The following POLD1 variants were observed in gnomAD, a reference collection of about 807,000 sequenced individuals.
The protein encoded by POLD1 is DNA polymerase delta 1, catalytic subunit.
POLD1 carries 79 observed loss-of-function variants against 129.7 expected under a neutral mutation model. That is an observed-to-expected ratio of 0.61 (90% CI 0.51 to 0.73). The LOEUF is 0.73. Among genes scored for constraint, POLD1 ranks in the 30% least tolerant of loss-of-function variants. POLD1 has a pLI of 0.00. For synonymous variants in POLD1, 714 were observed against 683.3 expected (o/e 1.04, Z -0.70); for missense variants, 1,338 against 1,595.8 (o/e 0.84, Z 2.75).
At chr19:50,408,290 G>A (rs2038971289) in intron 14 of POLD1, among the ~76,000 whole-genome samples, 1 of 152,038 alleles carries the variant, frequency 6.6e-6, no homozygotes, top group Admixed American at 6.5e-5. Flanking sequence ...AGCTGAGATT[G>A]CGCCACTGCA....
At chr19:50,392,635 G>A (rs191103823) in intron 1 of POLD1, among the ~76,000 whole-genome samples, 5 of 149,912 alleles carry the variant, frequency 3.3e-5, no homozygotes, top group Non-Finnish European at 5.9e-5. Flanking sequence ...CCACCACCAC[G>A]CCTGGCTAAT....
intron 26 of POLD1, among the ~76,000 whole-genome samples, 197 bp from the exon 27 acceptor site, chr19:50,417,645 C>T (rs979452253): frequency 7.2e-5 from 11 of 151,830 alleles, no homozygotes; most frequent in Non-Finnish European, 1.5e-4. Context: ...GGCCCTGCAC[C>T]TCGCCAGGCA....
At chr19:50,389,888 T>G (rs537496906) in intron 1 of POLD1, among the ~76,000 whole-genome samples, 16 of 125,070 alleles carry the variant, frequency 1.3e-4, no homozygotes, top group East Asian at 1.0e-3. Flanking sequence ...GTCCAGCCTG[T>G]TTTTTTTTTT....
intron 17 of POLD1, chr19:50,411,049 C>CG (rs1041390928): frequency 1.3e-5 from 2 of 150,888 alleles, no homozygotes; most frequent in South Asian, 4.2e-4. Flanking sequence ...CCTCAACCTC[C>CG]GGGACTCAGG....
At chr19:50,384,854 A>C (rs1489086441) in intron 1 of POLD1, among the ~76,000 whole-genome samples, 1 of 152,188 alleles carries the variant, frequency 6.6e-6, no homozygotes, top group Non-Finnish European at 1.5e-5. Context: ...TCAGAAGGAA[A>C]CTAACGCAGG....
rs869312619 is a variant in POLD1, at chr19:50,408,717, C to T, written c.1776-68C>T. ...TTTTTTTTTTTAAAGGGTGAGGCCA[C>T]AAGACAGGGCGGGGGCGGCATGGGA... On this transcript the variant is annotated intron_variant, in intron 14 of 26. Transcript: ENST00000440232. 9 of 1,585,948 alleles carry T rather than the reference C, an allele frequency of 5.7e-6. No individual in the cohort carries two copies. Among genetic ancestry groups the T allele is most frequent in the South Asian group, 2.3e-5 (2 of 87,416 alleles).
intron 19 of POLD1, 92 bp downstream of exon 19, chr19:50,413,971 G>A (rs1378662121): frequency 3.8e-6 from 5 of 1,332,500 alleles, no homozygotes; most frequent in Admixed American, 2.5e-5. Context: ...GCCACAGTGT[G>A]AAGGGATGTT....
intron 1 of POLD1, among the ~76,000 whole-genome samples, chr19:50,393,353 A>T (rs1172441659): frequency 6.6e-6 from 1 of 152,122 alleles, no homozygotes; most frequent in Non-Finnish European, 1.5e-5. Flanking sequence ...TACAATTTTT[A>T]TGGAGGTAAA....
chr19:50,415,867 G>C (rs376873005), intron 22 of POLD1, 41 bp downstream of exon 22: 14 of 1,342,038 alleles, frequency 1.0e-5, no homozygotes, highest in Non-Finnish European at 1.3e-5. Context: ...CAGCCCCCTC[G>C]CTCTCACTTC....
chr19:50,413,636 T>A, intron 18 of POLD1, 106 bp from the exon 19 acceptor site: 1 of 1,535,292 alleles, frequency 6.5e-7, no homozygotes, highest in Non-Finnish European at 8.9e-7. Flanking sequence ...CACTCTCCTG[T>A]TGCATCCTTG....
At position 50,413,690 on chromosome 19, in the gene POLD1, G is replaced by A; in HGVS notation, c.2251-52G>A. The A allele has an allele frequency of 3.2e-6, 5 of 1,563,474 alleles. No individual in the cohort carries two copies. In the Admixed American group the frequency reaches 8.9e-5, roughly 28 times the overall value. On this transcript the variant is annotated intron_variant, in intron 18 of 26. Coordinates refer to ENST00000440232, the MANE Select transcript of POLD1 (RefSeq NM_002691.4). ...CACCTGCCACCCCCCGACACCAGTA[G>A]TTGACAGAAGGGACCCTGCTTCTCA...
At position 50,402,510 on chromosome 19, in the gene POLD1, A is replaced by G. The variant is rs2038690465; in HGVS notation, c.815A>G (p.Lys272Arg). The G allele has an allele frequency of 6.2e-7, 1 of 1,608,844 alleles. No homozygotes were observed. The highest frequency in any genetic ancestry group is 8.5e-7 in the Non-Finnish European group (1 of 1,177,950). ...GCNWLELPAG[K>R]YALRLKEKAT... The stretch of plus-strand genomic sequence containing the variant: ...AACTGGCTGGAGCTCCCAGCTGGGA[A>G]ATACGCCCTGAGGCTGAAGGAGAAG... The change falls in exon 7 of 27, where the codon AAA becomes AGA. Residue 272 changes from lysine (K) to arginine (R), a missense_variant. This residue lies in a region of POLD1 where 720 missense variants were observed against 1,002.6 expected (regional missense o/e 0.72). Coordinates refer to ENST00000440232, the MANE Select transcript of POLD1 (RefSeq NM_002691.4).
In POLD1 at chr19:50,408,817, TCTC is replaced by T. The variant is rs398122386; in HGVS notation, c.1812_1814del (p.Ser605del). On this transcript the variant is annotated inframe_deletion, in exon 15 of 27. Transcript: ENST00000440232. ...GACGTCCCCATCGCCACCCTGGACTTCTCCTCGCTGTACCCGTCCATCATGATG... is the reference window on the plus strand; with the variant it reads ...GACGTCCCCATCGCCACCCTGGACTTCTCGCTGTACCCGTCCATCATGATG... 6.2e-7 allele frequency: 1 copy of T among 1,613,876 alleles called. No individual in the cohort carries two copies. Among genetic ancestry groups the T allele is most frequent in the Non-Finnish European group, 8.5e-7 (1 of 1,179,940 alleles).
chr19:50,384,615 C>T (rs1479662086), intron 1 of POLD1, among the ~76,000 whole-genome samples: 2 of 127,062 alleles, frequency 1.6e-5, no homozygotes, highest in Non-Finnish European at 3.3e-5. Flanking sequence ...GCGCATGCGC[C>T]GGGCACCGTG....
intron 26 of POLD1, among the ~76,000 whole-genome samples, 171 bp from the exon 27 acceptor site, chr19:50,417,671 T>TCCCCCCCCCCCCCCCCCCCCCCCCC (rs3840923): frequency 2.6e-4 from 29 of 110,508 alleles, no homozygotes; most frequent in Non-Finnish European, 4.2e-4. Context: ...TGTTATCGGC[T>TCCCCCCCCCCCCCCCCCCCCCCCCC]CCCCCCCCCC....
At chr19:50,396,128 C>T (rs1464085110) in intron 1 of POLD1, among the ~76,000 whole-genome samples, 2 of 148,960 alleles carry the variant, frequency 1.3e-5, no homozygotes, top group Non-Finnish European at 3.0e-5. Context: ...GCTGTGTTGC[C>T]CAGGCTAAAG....
intron 1 of POLD1, among the ~76,000 whole-genome samples, chr19:50,393,704 T>A (rs1029912605): frequency 2.0e-5 from 3 of 152,132 alleles, no homozygotes; most frequent in Non-Finnish European, 4.4e-5. Flanking sequence ...AAGAATTCAG[T>A]TGGTACGTTC....
At chr19:50,416,140 G>A in intron 22 of POLD1, 1 of 579,584 alleles carries the variant, frequency 1.7e-6, no homozygotes, top group Non-Finnish European at 3.1e-6. Flanking sequence ...TTAGCCCCAT[G>A]ACCTCTGACC....
intron 1 of POLD1, chr19:50,387,780 C>G (rs2038021655): frequency 6.6e-6 from 1 of 152,478 alleles, no homozygotes; most frequent in South Asian, 2.1e-4. Flanking sequence ...GAAGCCAGAG[C>G]CGCTAACGAC....
Sources: gnomAD v4.1 joint callset for allele counts (sites outside exome capture counted in the v4.1 genomes callset) on GRCh38, gnomAD v4.1.1 for gene constraint, gnomAD v4.1.1 regional missense constraint, MANE v1.5 for transcripts, NCBI Gene and HGNC (gene_info 2026-07-23, HGNC 2026-07-21) for gene names.